The following PRKG1 variants were observed in gnomAD, a reference collection of about 807,000 sequenced individuals.
PRKG1 encodes cGMP-dependent protein kinase 1.
In PRKG1, 35 loss-of-function variants were observed where a neutral mutation model predicts 88.1. The ratio of observed to expected loss-of-function variants is 0.40; its 90% CI spans 0.30 to 0.53. The LOEUF is 0.53. PRKG1 is among the 20% of genes least tolerant of loss of function. The probability of loss-of-function intolerance (pLI) is 0.59; values close to 1 mark genes in which losing one functional copy is unlikely to be tolerated. For synonymous variants in PRKG1, 303 were observed against 292.5 expected (o/e 1.04, Z -0.37); for missense variants, 540 against 839.8 (o/e 0.64, Z 4.41).
chr10:51,671,124 A>G (rs1330647725), intron 3 of PRKG1, among the ~76,000 whole-genome samples: 1 of 152,188 alleles, frequency 6.6e-6, no homozygotes, highest in East Asian at 1.9e-4. Flanking sequence ...ATCATGCTAA[A>G]TTCTGCTTTA....
intron 1 of PRKG1, among the ~76,000 whole-genome samples, chr10:51,005,125 T>A (rs752307384): frequency 1.3e-5 from 2 of 152,194 alleles, no homozygotes; most frequent in Non-Finnish European, 1.5e-5. Context: ...AAACATTTAT[T>A]TGGATCAGAA....
At chr10:51,481,722 T>G (rs985688581) in intron 3 of PRKG1, among the ~76,000 whole-genome samples, 13 of 141,068 alleles carry the variant, frequency 9.2e-5, no homozygotes, top group African/African-American at 2.8e-4. Context: ...AACTCACTAG[T>G]AATTGTAAAA....
intron 5 of PRKG1, among the ~76,000 whole-genome samples, chr10:52,013,341 C>T (rs913550406): frequency 1.3e-5 from 2 of 151,782 alleles, no homozygotes; most frequent in African/African-American, 4.8e-5. Context: ...ATGGTGTGAA[C>T]CTGGGAGGCG....
intron 4 of PRKG1, among the ~76,000 whole-genome samples, chr10:51,864,963 G>A (rs1023845105): frequency 3.9e-5 from 6 of 152,096 alleles, no homozygotes; most frequent in African/African-American, 1.4e-4. Flanking sequence ...GTGTGCTCTT[G>A]ATAATTGTCT....
intron 1 of PRKG1, among the ~76,000 whole-genome samples, chr10:51,000,237 G>T (rs769542196): frequency 6.6e-6 from 1 of 152,176 alleles, no homozygotes; most frequent in Admixed American, 6.5e-5. Flanking sequence ...ATAAGATTGC[G>T]TGCACTCACA....
At chr10:51,315,163 CAA>C (rs757133166) in intron 2 of PRKG1, among the ~76,000 whole-genome samples, 18 of 151,940 alleles carry the variant, frequency 1.2e-4, no homozygotes, top group Non-Finnish European at 2.9e-5. Context: ...TTTTTGTAAT[CAA>C]AAAAACTGAT....
intron 5 of PRKG1, among the ~76,000 whole-genome samples, chr10:51,956,866 G>C (rs1166935673): frequency 6.6e-6 from 1 of 152,040 alleles, no homozygotes; most frequent in Non-Finnish European, 1.5e-5. Flanking sequence ...GTACTGTCCA[G>C]ATCTATATGT....
chr10:52,052,505 A>T (rs1007705536), intron 5 of PRKG1, among the ~76,000 whole-genome samples: 16 of 152,082 alleles, frequency 1.1e-4, no homozygotes, highest in African/African-American at 3.9e-4. Context: ...AGGCTGTATT[A>T]GTTCATTCTC....
intron 1 of PRKG1, among the ~76,000 whole-genome samples, chr10:51,101,238 A>G (rs113821437): frequency 4.6e-5 from 7 of 152,192 alleles, no homozygotes; most frequent in African/African-American, 1.7e-4. Context: ...TAGTGTCCTT[A>G]TCATAGAAAG....
chr10:51,756,633 G>T (rs1837872546), intron 3 of PRKG1, among the ~76,000 whole-genome samples: 1 of 151,994 alleles, frequency 6.6e-6, no homozygotes, highest in Non-Finnish European at 1.5e-5. Flanking sequence ...GGCTAACACG[G>T]TGAAACCCCA....
chr10:51,945,790 C>T (rs1183600011), intron 5 of PRKG1, among the ~76,000 whole-genome samples: 2 of 151,548 alleles, frequency 1.3e-5, no homozygotes, highest in Non-Finnish European at 1.5e-5. Context: ...GGCCCCCACT[C>T]TCTTCTGGCT....
chr10:51,221,637 C>CA (rs1246606696), intron 2 of PRKG1, among the ~76,000 whole-genome samples: 1 of 148,560 alleles, frequency 6.7e-6, no homozygotes, highest in African/African-American at 2.5e-5. Flanking sequence ...AAAAGATTGG[C>CA]AAACTTTTTT....
intron 5 of PRKG1, among the ~76,000 whole-genome samples, chr10:51,983,899 C>A (rs2133114689): frequency 6.6e-6 from 1 of 152,346 alleles, no homozygotes; most frequent in Non-Finnish European, 1.5e-5. Flanking sequence ...GGGTTCCCAG[C>A]TTTCTGCCCC....
chr10:52,048,512 A>C (rs1845913739), intron 5 of PRKG1, among the ~76,000 whole-genome samples: 1 of 152,184 alleles, frequency 6.6e-6, no homozygotes, highest in South Asian at 2.1e-4. Flanking sequence ...TTCACCAAGG[A>C]GTCACCATCA....
At chr10:52,146,671 T>G (rs1246795250) in intron 8 of PRKG1, among the ~76,000 whole-genome samples, 1 of 152,230 alleles carries the variant, frequency 6.6e-6, no homozygotes, top group Non-Finnish European at 1.5e-5. Flanking sequence ...AAACACTTCA[T>G]GTATAATTGA....
At chr10:51,986,426 A>G (rs527252327) in intron 5 of PRKG1, among the ~76,000 whole-genome samples, 40 of 152,364 alleles carry the variant, frequency 2.6e-4, no homozygotes, top group African/African-American at 9.4e-4. Flanking sequence ...TTCCAAGTTC[A>G]AGTGAAGGAA....
chr10:51,513,986 GA>G (rs1841498806), intron 3 of PRKG1, among the ~76,000 whole-genome samples: 1 of 137,788 alleles, frequency 7.3e-6, no homozygotes. Context: ...AGGCAAGAAA[GA>G]ACCAAGATCA....
At chr10:51,250,393 C>T (rs1358488491) in intron 2 of PRKG1, among the ~76,000 whole-genome samples, 1 of 151,776 alleles carries the variant, frequency 6.6e-6, no homozygotes, top group Non-Finnish European at 1.5e-5. Context: ...AAGTTTAACC[C>T]ATGGGAAAGT....
intron 5 of PRKG1, chr10:51,911,065 A>G (rs1842205418): frequency 6.6e-6 from 1 of 152,206 alleles, no homozygotes; most frequent in African/African-American, 2.4e-5. Flanking sequence ...ATCTATGTGA[A>G]CACAAAGTGA....
Sources: gnomAD v4.1 joint callset for allele counts (sites outside exome capture counted in the v4.1 genomes callset) on GRCh38, gnomAD v4.1.1 for gene constraint, MANE v1.5 for transcripts, NCBI Gene and HGNC (gene_info 2026-07-23, HGNC 2026-07-21) for gene names.